Variants in WIPF1 observed in about 807,000 individuals in gnomAD.
WIPF1 encodes the protein WAS/WASL-interacting protein family member 1.
WIPF1 carries 13 observed loss-of-function variants against 35.4 expected under a neutral mutation model. That is an observed-to-expected ratio of 0.37 (90% CI 0.24 to 0.58). The LOEUF (loss-of-function observed/expected upper bound fraction) is 0.58. Among genes scored for constraint, WIPF1 ranks in the 20% least tolerant of loss-of-function variants. WIPF1 has a pLI of 0.74. For missense variants in WIPF1, 591 were observed against 667.0 expected (o/e 0.89, Z 1.25); for synonymous variants, 267 against 266.3 (o/e 1.00, Z -0.02).
intron 1 of WIPF1, among the ~76,000 whole-genome samples, chr2:174,612,408 T>A (rs1027728757): frequency 6.6e-6 from 1 of 152,222 alleles, no homozygotes; most frequent in African/African-American, 2.4e-5. Context: ...TTTCTGGATG[T>A]TCTATTATCT....
intron 7 of WIPF1, among the ~76,000 whole-genome samples, chr2:174,563,420 G>A (rs965759038): frequency 3.3e-5 from 5 of 152,010 alleles, no homozygotes; most frequent in East Asian, 1.9e-4. Context: ...AAAATTAGCC[G>A]GGCATGTTGG....
intron 1 of WIPF1, among the ~76,000 whole-genome samples, chr2:174,627,514 C>T (rs1264436113): frequency 1.4e-5 from 2 of 146,924 alleles, no homozygotes; most frequent in Non-Finnish European, 3.0e-5. Flanking sequence ...TTCCTTCCTT[C>T]CTTCCCTCCC....
At chr2:174,610,488 A>T (rs1289057030) in intron 1 of WIPF1, among the ~76,000 whole-genome samples, 1 of 152,238 alleles carries the variant, frequency 6.6e-6, no homozygotes, top group Non-Finnish European at 1.5e-5. Flanking sequence ...AATTTGGGGT[A>T]TAAAAACCAC....
chr2:174,670,610 A>G (rs1265150655), intron 1 of WIPF1, among the ~76,000 whole-genome samples: 1 of 152,194 alleles, frequency 6.6e-6, no homozygotes, highest in Non-Finnish European at 1.5e-5. Context: ...AATTTTGAGG[A>G]GCAAGAGCAG....
chr2:174,585,446 CA>C lies in WIPF1; in HGVS notation c.51+76del, dbSNP rs1455651203. 8 of 1,292,864 alleles carry C rather than the reference CA, an allele frequency of 6.2e-6. No homozygotes were observed. In the East Asian group the frequency reaches 2.6e-4, roughly 42 times the overall value. 80.1% of individuals were successfully genotyped at this position (1,292,864 alleles called of 1,614,324 possible). On this transcript the variant is annotated intron_variant, in intron 2 of 7. Transcript: ENST00000679041. ...AGCCAGAATGCAAACACATTTAATA[CA>C]AACACATGCACGCCAGGTTTTGGCT...
chr2:174,587,848 T>C (rs1685475280), intron 1 of WIPF1: 1 of 152,230 alleles, frequency 6.6e-6, no homozygotes, highest in Non-Finnish European at 1.5e-5. Context: ...TGATAAACAC[T>C]TTCAGGCAGG....
chr2:174,645,391 G>A (rs530505233), intron 1 of WIPF1, among the ~76,000 whole-genome samples: 1 of 152,306 alleles, frequency 6.6e-6, no homozygotes, highest in African/African-American at 2.4e-5. Context: ...GTCTCTGAGA[G>A]AAATTTAAAC....
chr2:174,659,905 C>A (rs1303090678), intron 1 of WIPF1, among the ~76,000 whole-genome samples: 2 of 152,192 alleles, frequency 1.3e-5, no homozygotes, highest in Non-Finnish European at 2.9e-5. Context: ...TCAAGCACAT[C>A]CTCGTTTGCC....
intron 5 of WIPF1, among the ~76,000 whole-genome samples, chr2:174,569,835 T>C (rs1191143425): frequency 6.6e-6 from 1 of 152,140 alleles, no homozygotes; most frequent in Admixed American, 6.5e-5. Flanking sequence ...CCAAATCTAT[T>C]AGATTCCAAG....
rs760728102 is a variant in WIPF1 at position 174,572,146 on chromosome 2, G to A, written c.659C>T (p.Pro220Leu). ...PRQPSPGPTP[P>L]PFPGNRGTAL... is the part of the protein sequence containing the mutation. The stretch of plus-strand genomic sequence containing the variant: ...AGTGCCGCGGTTTCCAGGGAAAGGG[G>A]GAGGAGTGGGCCCGGGGCTGGGCTG... Residue 220 changes from proline to leucine, a missense_variant, in exon 5 of 8, where the codon CCC (proline) becomes CTC (leucine). Pro to Leu is a moderately conservative substitution (Grantham distance 98). This residue lies in a region of WIPF1 where 471 missense variants were observed against 501.1 expected (regional missense o/e 0.94). Transcript: ENST00000679041. 1.2e-6 allele frequency: 2 copies of A among 1,612,648 alleles called. No homozygotes were observed. Among genetic ancestry groups the A allele is most frequent in the Non-Finnish European group, 1.7e-6 (2 of 1,179,372 alleles).
In WIPF1 at chr2:174,571,834, C is replaced by T. The variant is rs1397897929; in HGVS notation, c.971G>A (p.Ser324Asn). Reference sequence around the variant, plus strand: ...TGGGGTTTCGTCATTGCCGCTGGAACTTGGAGGCAGAGGAGGCGGCCCGGG... The same window carrying T: ...TGGGGTTTCGTCATTGCCGCTGGAATTTGGAGGCAGAGGAGGCGGCCCGGG... The part of the protein sequence containing the change: ...SRPGPPPLPP[S>N]SSGNDETPRL... Residue 324 changes from serine (S) to asparagine (N), a missense_variant, in exon 5 of 8, where the codon AGT (serine) becomes AAT (asparagine). Coordinates refer to ENST00000679041, the MANE Select transcript of WIPF1 (RefSeq NM_001375834.1). The surrounding 1 kb of genome is among the most constrained non-coding windows in gnomAD (Gnocchi z 4.6). 1 of 1,614,168 alleles carries T rather than the reference C, an allele frequency of 6.2e-7. No homozygotes were observed. The highest frequency in any genetic ancestry group is 1.7e-5 in the Admixed American group (1 of 60,016).
At chr2:174,653,620 T>C (rs1248355285) in intron 1 of WIPF1, among the ~76,000 whole-genome samples, 2 of 151,306 alleles carry the variant, frequency 1.3e-5, no homozygotes, top group Middle Eastern at 3.2e-3. Flanking sequence ...CGGGTGCCTG[T>C]AGTCCCAGCT....
chr2:174,645,607 A>G (rs571540594), intron 1 of WIPF1, among the ~76,000 whole-genome samples: 1 of 152,330 alleles, frequency 6.6e-6, no homozygotes, highest in South Asian at 2.1e-4. Context: ...GACCCTTGGA[A>G]CAGCTAAAGG....
At chr2:174,601,117 G>A (rs924797348), upstream of WIPF1, among the ~76,000 whole-genome samples, 1 of 151,806 alleles carries the variant, frequency 6.6e-6, no homozygotes, top group Middle Eastern at 3.2e-3. Flanking sequence ...AGTAGAGACG[G>A]GGTTTCGCCA....
intron 2 of WIPF1, among the ~76,000 whole-genome samples, chr2:174,583,544 C>G (rs1192369722): frequency 1.3e-5 from 2 of 152,160 alleles, no homozygotes; most frequent in Admixed American, 6.5e-5. Flanking sequence ...TTCTTCATCT[C>G]TATATTCTAT....
intron 1 of WIPF1, among the ~76,000 whole-genome samples, chr2:174,656,929 C>T (rs1687652052): frequency 6.6e-6 from 1 of 152,228 alleles, no homozygotes; most frequent in Non-Finnish European, 1.5e-5. Context: ...GACAGCTACT[C>T]AGTGCCTTTA....
At chr2:174,570,426 A>G (rs1684791672) in intron 5 of WIPF1, 1 of 152,236 alleles carries the variant, frequency 6.6e-6, no homozygotes, top group African/African-American at 2.4e-5. Flanking sequence ...TATAATAAAC[A>G]AGTATGACTT....
intron 1 of WIPF1, among the ~76,000 whole-genome samples, chr2:174,591,199 C>A (rs753881011): frequency 1.3e-5 from 2 of 152,198 alleles, no homozygotes; most frequent in Non-Finnish European, 2.9e-5. Flanking sequence ...CACACCAAAC[C>A]TGCCCACATC....
chr2:174,575,274 T>A lies in WIPF1; in HGVS notation c.288A>T (p.Gly96=), dbSNP rs1559148556. The A allele has an allele frequency of 3.1e-6, 5 of 1,613,666 alleles. No homozygotes were observed. Among genetic ancestry groups the A allele is most frequent in the Non-Finnish European group, 2.5e-6 (3 of 1,179,882 alleles). ...GGGGGSFGGG[G]PPGLGGLFQA... ...GGAACAATCCTCCCAGACCTGGAGGTCCGCCCCCTCCAAAACTTCCACCGC... is the reference window on the plus strand; with the variant it reads ...GGAACAATCCTCCCAGACCTGGAGGACCGCCCCCTCCAAAACTTCCACCGC... The change falls in exon 4 of 8, where the codon GGA becomes GGT. Residue 96 remains glycine (G), a synonymous_variant. Coordinates refer to ENST00000679041, the MANE Select transcript of WIPF1 (RefSeq NM_001375834.1).
Sources: gnomAD v4.1 joint callset for allele counts (sites outside exome capture counted in the v4.1 genomes callset) on GRCh38, gnomAD v4.1.1 for gene constraint, gnomAD v4.1.1 regional missense constraint, Gnocchi (gnomAD v3.1) non-coding constraint, MANE v1.5 for transcripts, NCBI Gene and HGNC (gene_info 2026-07-23, HGNC 2026-07-21) for gene names.